Variants in WDR33 observed in about 807,000 individuals in gnomAD.
WDR33 encodes WD repeat domain 33, also known as pre-mRNA 3' end processing protein WDR33.
WDR33 carries 47 observed loss-of-function variants against 164.9 expected under a neutral mutation model. The ratio of observed to expected loss-of-function variants is 0.29; its 90% CI spans 0.23 to 0.36. The LOEUF (loss-of-function observed/expected upper bound fraction) is 0.36, where lower values mean the gene tolerates loss of function less well. Ranked by LOEUF, WDR33 falls within the 10% of genes least tolerant of loss-of-function variation. WDR33 has a pLI of 1.00. For missense variants in WDR33, 1,137 were observed against 1,754.1 expected (o/e 0.65, Z 6.28); for synonymous variants, 505 against 589.0 (o/e 0.86, Z 2.06).
intron 7 of WDR33, among the ~76,000 whole-genome samples, chr2:127,739,327 AC>A (rs1451522261): frequency 6.6e-6 from 1 of 152,098 alleles, no homozygotes; most frequent in African/African-American, 2.4e-5. Flanking sequence ...ATTTCCACTT[AC>A]AGTCGACTAT....
In WDR33 at chr2:127,709,189, C is replaced by G. The variant is rs1300972185; in HGVS notation, c.3566-297G>C. Among the ~76,000 whole-genome samples the G allele has an allele frequency of 6.6e-6, 1 of 152,198 alleles. No homozygotes were observed. The highest frequency in any genetic ancestry group is 2.4e-5 in the African/African-American group (1 of 41,444). On this transcript the variant is annotated intron_variant, in intron 20 of 21. Coordinates refer to ENST00000322313, the MANE Select transcript of WDR33 (RefSeq NM_018383.5). This position sits in a 1 kb window ranked among gnomAD's most constrained non-coding sequence, Gnocchi z 5.0. ...GAGAGTTGTAACTGCGAATATTTAC[C>G]ATATTAGCAATTGAGACTGGGGAAA...
chr2:127,731,750 T>C (rs1686713083), intron 7 of WDR33, among the ~76,000 whole-genome samples: 1 of 152,226 alleles, frequency 6.6e-6, no homozygotes, highest in African/African-American at 2.4e-5. Context: ...TCAAATTTTA[T>C]AGGACTGTAG....
chr2:127,715,088 C>CTTTT (rs386391178), intron 17 of WDR33, among the ~76,000 whole-genome samples: 52 of 108,570 alleles, frequency 4.8e-4, no homozygotes, highest in African/African-American at 8.7e-4. Context: ...TTCTTTGTTT[C>CTTTT]TTTTTTTTTT....
chr2:127,767,677 T>C (rs1359175433), intron 4 of WDR33, among the ~76,000 whole-genome samples: 1 of 152,116 alleles, frequency 6.6e-6, no homozygotes, highest in Admixed American at 6.6e-5. Context: ...ATCACGCCAC[T>C]GCACTCCAGC....
intron 7 of WDR33, among the ~76,000 whole-genome samples, chr2:127,749,075 C>A (rs111246648): frequency 2.0e-5 from 3 of 152,232 alleles, no homozygotes; most frequent in Non-Finnish European, 2.9e-5. Flanking sequence ...TGGTGGCTCA[C>A]GCCTGTAATC....
intron 1 of WDR33, among the ~76,000 whole-genome samples, chr2:127,789,661 C>A (rs923824325): frequency 6.6e-6 from 1 of 151,800 alleles, no homozygotes; most frequent in Non-Finnish European, 1.5e-5. Flanking sequence ...GCTTCGGCTC[C>A]GCATCTTCCT....
intron 1 of WDR33, among the ~76,000 whole-genome samples, chr2:127,788,499 G>A (rs1213664563): frequency 1.1e-4 from 13 of 121,116 alleles, no homozygotes; most frequent in South Asian, 2.8e-4. Flanking sequence ...CCTCCCGGAC[G>A]GGGCGGCTGG....
In WDR33 at chr2:127,703,757, T is replaced by C. The variant is rs1205121473; in HGVS notation, c.*2566A>G. On this transcript the variant is annotated 3_prime_UTR_variant, in exon 22 of 22. Transcript: ENST00000322313. Reference sequence around the variant, plus strand: ...TTTCTGTTCTAGTTTTAAATTTCTCTAGAACTTGCAATAGTTGGGGGTTTT... The same window carrying C: ...TTTCTGTTCTAGTTTTAAATTTCTCCAGAACTTGCAATAGTTGGGGGTTTT... 2 of 167,246 alleles carry C rather than the reference T, an allele frequency of 1.2e-5. No homozygotes were observed. The highest frequency in any genetic ancestry group is 1.9e-4 in the East Asian group (1 of 5,200). The allele number at this position is 167,246 out of a possible 1,614,324, so 10.4% of individuals were successfully genotyped here.
intron 7 of WDR33, among the ~76,000 whole-genome samples, chr2:127,761,614 AG>A (rs1166013458): frequency 1.3e-5 from 2 of 152,232 alleles, no homozygotes; most frequent in Non-Finnish European, 2.9e-5. Context: ...ACTAATAGTG[AG>A]GAAAGATTCA....
chr2:127,768,794 A>T, intron 3 of WDR33, 139 bp downstream of exon 3: 1 of 540,564 alleles, frequency 1.8e-6, no homozygotes, highest in Non-Finnish European at 3.2e-6. Context: ...CAGATGTGTT[A>T]TATTATCCCT....
Position 127,709,275 on chromosome 2 carries a change from A to G in WDR33, c.3565+215T>C, listed in dbSNP as rs1686092652. ...TTAGTGGAAAGAGCAGTCCCGTTTT[A>G]TACTCAGATAGATCCCTGTAATGTC... On this transcript the variant is annotated intron_variant, in intron 20 of 21. Transcript: ENST00000322313. This position sits in a 1 kb window ranked among gnomAD's most constrained non-coding sequence, Gnocchi z 5.0. Among the ~76,000 whole-genome samples, 1 of 152,206 alleles carries G rather than the reference A, an allele frequency of 6.6e-6. No individual in the cohort carries two copies. Among genetic ancestry groups the G allele is most frequent in the Admixed American group, 6.5e-5 (1 of 15,288 alleles).
chr2:127,750,781 T>C (rs1050953639), intron 7 of WDR33, among the ~76,000 whole-genome samples: 4 of 138,090 alleles, frequency 2.9e-5, no homozygotes, highest in African/African-American at 1.1e-4. Flanking sequence ...TACACATATA[T>C]ATACACACAT....
At position 127,723,021 on chromosome 2, in the gene WDR33, C is replaced by A. The variant is rs1306932959; in HGVS notation, c.1315G>T (p.Ala439Ser). The stretch of plus-strand genomic sequence containing the variant: ...GGTATTCCCATTCCTGGAATTACTG[C>A]CAGGCTATTAGGTTCGAGGTCATCT... Reference protein sequence around the residue: ...EYDDLEPNSLAVIPGMGIPEQ... With the variant: ...EYDDLEPNSLSVIPGMGIPEQ... Residue 439 changes from alanine to serine, a missense_variant, in exon 13 of 22, where the codon GCA becomes TCA. Around this residue, in one of 9 missense-constraint regions of WDR33, gnomAD observed 75 missense variants for 124.7 expected, o/e 0.60. Coordinates refer to ENST00000322313, the MANE Select transcript of WDR33 (RefSeq NM_018383.5). The surrounding 1 kb of genome is among the most constrained non-coding windows in gnomAD (Gnocchi z 5.9). 2 of 1,612,378 alleles carry A rather than the reference C, an allele frequency of 1.2e-6. No homozygotes were observed. The highest frequency in any genetic ancestry group is 2.7e-5 in the African/African-American group (2 of 74,848).
chr2:127,779,915 A>G (rs547005835), intron 1 of WDR33, among the ~76,000 whole-genome samples: 4 of 152,316 alleles, frequency 2.6e-5, no homozygotes, highest in Admixed American at 6.5e-5. Context: ...CAAATTATTG[A>G]TGCATTAACT....
At chr2:127,806,396 C>G (rs3732199) in intron 1 of WDR33, among the ~76,000 whole-genome samples, 1 of 151,678 alleles carries the variant, frequency 6.6e-6, no homozygotes, top group Non-Finnish European at 1.5e-5. Context: ...TTAGTAGAGA[C>G]GAGGTTACAC....
At position 127,750,666 on chromosome 2, in the gene WDR33, AAAAAAAAAAAAATATATATATATATAT is replaced by A. The variant is rs1558936656; in HGVS notation, c.724+12369_724+12395del. ...ACTCCATCTTAAAAAAAAAAAAAAA[AAAAAAAAAAAAATATATATATATATAT>A]ATATATATATATATATATATGTATG... On this transcript the variant is annotated intron_variant, in intron 7 of 21. Transcript: ENST00000322313. Among the ~76,000 whole-genome samples the A allele has an allele frequency of 3.2e-3, 227 of 70,352 alleles. 2 individuals are homozygous for A. The highest frequency in any genetic ancestry group is 0.017 in the African/African-American group (214 of 12,662). The allele number at this position is 70,352 out of a possible 152,430, so 46.2% of individuals were successfully genotyped here.
chr2:127,748,862 G>A (rs138714763), intron 7 of WDR33, among the ~76,000 whole-genome samples: 15 of 147,496 alleles, frequency 1.0e-4, no homozygotes, highest in African/African-American at 3.8e-4. Context: ...CTCCTAACAG[G>A]GCCTCCTAGG....
intron 7 of WDR33, among the ~76,000 whole-genome samples, chr2:127,729,925 G>A (rs1045488473): frequency 2.0e-5 from 3 of 152,156 alleles, no homozygotes; most frequent in Non-Finnish European, 2.9e-5. Flanking sequence ...AGTATGTGTA[G>A]CATGCTAACA....
chr2:127,756,699 A>G (rs1368895450), intron 7 of WDR33, among the ~76,000 whole-genome samples: 2 of 152,188 alleles, frequency 1.3e-5, no homozygotes, highest in African/African-American at 2.4e-5. Context: ...AATAAAATTT[A>G]TATCTTTAAT....
Sources: allele counts gnomAD v4.1 joint callset (sites outside exome capture counted in the v4.1 genomes callset), GRCh38; gene constraint gnomAD v4.1.1; regional missense constraint gnomAD v4.1.1; non-coding constraint Gnocchi (gnomAD v3.1); transcripts MANE v1.5; gene names NCBI Gene and HGNC (gene_info 2026-07-23, HGNC 2026-07-21).